Variants in CEP63 observed in about 807,000 individuals in gnomAD.
CEP63 encodes the protein centrosomal protein of 63 kDa.
CEP63 carries 84 observed loss-of-function variants against 89.1 expected under a neutral mutation model. The observed-to-expected ratio is 0.94, with a 90% CI of 0.79 to 1.13. The LOEUF (loss-of-function observed/expected upper bound fraction) is 1.13. Among genes scored for constraint, CEP63 ranks in the 50% most tolerant of loss-of-function variants. The pLI is 0.00. For missense variants in CEP63, 838 were observed against 813.3 expected (o/e 1.03, Z -0.37); for synonymous variants, 267 against 272.5 (o/e 0.98, Z 0.20).
the CEP63 span, among the ~76,000 whole-genome samples, chr3:134,660,854 C>A: frequency 1.3e-5 from 2 of 152,166 alleles, no homozygotes; most frequent in Non-Finnish European, 2.9e-5. Flanking sequence ...TGTATGGCCT[C>A]TTCTGAGGTT....
At chr3:134,710,314 G>T in the CEP63 span, among the ~76,000 whole-genome samples, 1 of 152,142 alleles carries the variant, frequency 6.6e-6, no homozygotes, top group Admixed American at 6.5e-5. Flanking sequence ...GTTTTCAAAA[G>T]CTCCAGTAGT....
intron 10 of CEP63, among the ~76,000 whole-genome samples, chr3:134,586,358 T>A (rs532971590): frequency 4.0e-5 from 6 of 151,344 alleles, no homozygotes; most frequent in African/African-American, 1.5e-4. Flanking sequence ...GTTTAGTGCT[T>A]CCTTCAGGAG....
chr3:134,575,389 C>G (rs112858673), downstream of CEP63, among the ~76,000 whole-genome samples: 26 of 16,814 alleles, frequency 1.5e-3, no homozygotes, highest in Non-Finnish European at 2.7e-3. Context: ...CCCTCCCTCC[C>G]TTTTTTCCTT....
the CEP63 span, chr3:134,647,597 G>A: frequency 1.5e-6 from 1 of 674,512 alleles, no homozygotes; most frequent in East Asian, 2.9e-5. Context: ...GGTGGATCTT[G>A]GCTCTCTTGG....
chr3:134,551,439 G>T (rs893233807), intron 11 of CEP63, among the ~76,000 whole-genome samples: 1 of 152,052 alleles, frequency 6.6e-6, no homozygotes, highest in African/African-American at 2.4e-5. Flanking sequence ...GCCAAGCCAA[G>T]GAAAGAAGGA....
chr3:134,506,640 C>T (rs867929940), intron 2 of CEP63, among the ~76,000 whole-genome samples: 5 of 152,042 alleles, frequency 3.3e-5, no homozygotes, highest in African/African-American at 7.2e-5. Flanking sequence ...AAGCTCAGGC[C>T]GGGCACGGTG....
rs1276484769 is a variant in CEP63, at chr3:134,495,478, A to T, written c.44+114A>T. On this transcript the variant is annotated intron_variant, in intron 2 of 14. Transcript: ENST00000675561. ...TAATGTGTAATGATCAAATAAGGGTATTTAGTATACCTATCAGCTCAAGCA... is the reference window on the plus strand; with the variant it reads ...TAATGTGTAATGATCAAATAAGGGTTTTTAGTATACCTATCAGCTCAAGCA... 5.5e-6 allele frequency: 4 copies of T among 726,762 alleles called. No individual in the cohort carries two copies. The Admixed American group carries it at 8.1e-5, about 15-fold the overall frequency. The allele number at this position is 726,762 out of a possible 1,614,324, so 45.0% of individuals were successfully genotyped here.
chr3:134,694,614 G>A, the CEP63 span, among the ~76,000 whole-genome samples: 27 of 152,356 alleles, frequency 1.8e-4, 1 homozygote, highest in African/African-American at 5.8e-4. Context: ...CTAGGACAAG[G>A]AACAGGCTCA....
chr3:134,763,186 C>T, the CEP63 span, among the ~76,000 whole-genome samples: 2 of 152,048 alleles, frequency 1.3e-5, no homozygotes, highest in South Asian at 2.1e-4. Flanking sequence ...CCCAGTAACT[C>T]GTCATTTAAC....
At chr3:134,656,455 G>A in the CEP63 span, among the ~76,000 whole-genome samples, 1 of 152,196 alleles carries the variant, frequency 6.6e-6, no homozygotes, top group Non-Finnish European at 1.5e-5. Flanking sequence ...TCTGAGTGGC[G>A]ATGCTGATCC....
chr3:134,606,331 G>A, the CEP63 span, among the ~76,000 whole-genome samples: 5 of 152,278 alleles, frequency 3.3e-5, no homozygotes, highest in South Asian at 2.1e-4. Context: ...CTGGAGACCC[G>A]TGGAGAAGCC....
chr3:134,486,447 C>T (rs1935414175), intron 1 of CEP63: 2 of 985,602 alleles, frequency 2.0e-6, no homozygotes, highest in Non-Finnish European at 2.4e-6. Context: ...CTATGCCCTG[C>T]ACACTGGCGG....
the CEP63 span, among the ~76,000 whole-genome samples, chr3:134,671,984 C>T: frequency 6.6e-6 from 1 of 152,138 alleles, no homozygotes; most frequent in Non-Finnish European, 1.5e-5. Context: ...CAGAGCTGTC[C>T]TCCAGAAACC....
At chr3:134,646,902 G>C in the CEP63 span, among the ~76,000 whole-genome samples, 1 of 152,288 alleles carries the variant, frequency 6.6e-6, no homozygotes, top group South Asian at 2.1e-4. Context: ...TGGCCCCTTA[G>C]TGTTACCACA....
the CEP63 span, among the ~76,000 whole-genome samples, chr3:134,612,002 A>G: frequency 1.3e-5 from 2 of 152,236 alleles, no homozygotes; most frequent in African/African-American, 2.4e-5. Context: ...AACAGATTCT[A>G]CTTTCCCAGC....
At chr3:134,724,674 C>G in the CEP63 span, among the ~76,000 whole-genome samples, 1 of 152,184 alleles carries the variant, frequency 6.6e-6, no homozygotes, top group Non-Finnish European at 1.5e-5. Flanking sequence ...AACAGAAGTT[C>G]ATTTATAGAG....
At chr3:134,602,581 G>T in the CEP63 span, among the ~76,000 whole-genome samples, 1 of 152,154 alleles carries the variant, frequency 6.6e-6, no homozygotes, top group Non-Finnish European at 1.5e-5. Flanking sequence ...CGGCATTGCC[G>T]CACTGCACTA....
chr3:134,712,415 G>A, the CEP63 span, among the ~76,000 whole-genome samples: 2,056 of 151,372 alleles, frequency 0.014, 26 homozygotes, highest in Middle Eastern at 0.031. Flanking sequence ...TCTACCTCTT[G>A]GGAATATTTC....
At chr3:134,721,866 G>A in the CEP63 span, among the ~76,000 whole-genome samples, 7 of 152,018 alleles carry the variant, frequency 4.6e-5, no homozygotes, top group African/African-American at 1.4e-4. Flanking sequence ...GCTGGATTTA[G>A]TTTGTTAGTA....
Sources: allele counts gnomAD v4.1 joint callset (sites outside exome capture counted in the v4.1 genomes callset), GRCh38; gene constraint gnomAD v4.1.1; transcripts MANE v1.5; gene names NCBI Gene and HGNC (gene_info 2026-07-23, HGNC 2026-07-21).